The following USO1 variants were observed in gnomAD, a reference collection of about 807,000 sequenced individuals.
USO1 encodes general vesicular transport factor p115.
USO1 carries 57 observed loss-of-function variants against 124.5 expected under a neutral mutation model. That is an observed-to-expected ratio of 0.46 (90% CI 0.37 to 0.57). The LOEUF (loss-of-function observed/expected upper bound fraction) is 0.57, where lower values mean the gene tolerates loss of function less well. Among genes scored for constraint, USO1 ranks in the 20% least tolerant of loss-of-function variants. The pLI is 0.00. For missense variants in USO1, 900 were observed against 1,040.6 expected (o/e 0.86, Z 1.86); for synonymous variants, 369 against 362.8 (o/e 1.02, Z -0.19).
intron 1 of USO1, among the ~76,000 whole-genome samples, chr4:75,726,709 C>T (rs1259219351): frequency 6.6e-6 from 1 of 152,222 alleles, no homozygotes; most frequent in Non-Finnish European, 1.5e-5. Context: ...TTCACTCATC[C>T]ATTCCCACTT....
chr4:75,787,291 A>C, intron 10 of USO1, 89 bp downstream of exon 10: 3 of 1,347,026 alleles, frequency 2.2e-6, no homozygotes, highest in Non-Finnish European at 2.9e-6. Context: ...GAAAAACTAC[A>C]ATAGTTAACC....
intron 1 of USO1, among the ~76,000 whole-genome samples, chr4:75,746,963 A>T (rs1261238970): frequency 6.6e-6 from 1 of 152,230 alleles, no homozygotes; most frequent in Non-Finnish European, 1.5e-5. Flanking sequence ...CAAAGAAGTC[A>T]TAAGCTTGGT....
At chr4:75,767,576 A>G (rs559669631) in intron 4 of USO1, 180 of 277,310 alleles carry the variant, frequency 6.5e-4, no homozygotes, top group African/African-American at 3.9e-3. Flanking sequence ...AACCCCATCT[A>G]TACTAAACGT....
At chr4:75,793,149 T>C (rs1722577750) in intron 12 of USO1, among the ~76,000 whole-genome samples, 1 of 152,026 alleles carries the variant, frequency 6.6e-6, no homozygotes, top group South Asian at 2.1e-4. Flanking sequence ...GAAATACTTC[T>C]GGTCCCAAGC....
intron 13 of USO1, chr4:75,795,384 A>G (rs766052677): frequency 2.1e-5 from 15 of 700,676 alleles, no homozygotes; most frequent in South Asian, 3.0e-5. Flanking sequence ...AAGCTTAGGC[A>G]TTTTCCTCTT....
chr4:75,759,246 C>CTTTTTTTTTTTTTTTTTTTTTT lies in USO1; in HGVS notation c.295+1691_295+1692insTTTTTTTTTTTTTTTTTTTTTT, dbSNP rs71208100. ...TAATAGAATCACTTTTATTAAGGACCTTTTTTTTTTTTTTTTTTCTGAAAA... is the reference window on the plus strand; with the variant it reads ...TAATAGAATCACTTTTATTAAGGACCTTTTTTTTTTTTTTTTTTTTTTTTTTTTTTTTTTTTTTTTCTGAAAA... On this transcript the variant is annotated intron_variant, in intron 4 of 23. Coordinates refer to ENST00000514213, the MANE Select transcript of USO1 (RefSeq NM_003715.4). 8.4e-4 allele frequency among the ~76,000 whole-genome samples: 58 copies of CTTTTTTTTTTTTTTTTTTTTTT among 69,128 alleles called. 20 individuals are homozygous for CTTTTTTTTTTTTTTTTTTTTTT. Among genetic ancestry groups the CTTTTTTTTTTTTTTTTTTTTTT allele is most frequent in the African/African-American group, 2.5e-3 (39 of 15,530 alleles). The allele number at this position is 69,128 out of a possible 152,430, so 45.4% of individuals were successfully genotyped here. A position where few individuals can be genotyped will look rare whatever the true frequency, so the allele number is the denominator to read the frequency against.
intron 6 of USO1, 51 bp from the exon 7 acceptor site, chr4:75,771,031 C>T: frequency 1.9e-6 from 3 of 1,598,082 alleles, no homozygotes; most frequent in South Asian, 2.3e-5. Flanking sequence ...ATTTGAGTCA[C>T]TATTTGTATT....
Position 75,782,681 on chromosome 4 carries a change from TATA to T in USO1, c.679_681del (p.Ile227del). On this transcript the variant is annotated inframe_deletion and splice_region_variant, in exon 9 of 24. Coordinates refer to ENST00000514213, the MANE Select transcript of USO1 (RefSeq NM_003715.4). Reference sequence around the variant, plus strand: ...TTGTGTTTTACATTATTTCCCCAGGTATAGTAGTTGAAGATTGTTTGATTTTGC... The same window carrying T: ...TTGTGTTTTACATTATTTCCCCAGGTGTAGTTGAAGATTGTTTGATTTTGC... 6.4e-7 allele frequency: 1 copy of T among 1,556,756 alleles called. No homozygotes were observed. The highest frequency in any genetic ancestry group is 8.7e-7 in the Non-Finnish European group (1 of 1,151,294).
At chr4:75,799,557 G>A (rs538915590) in intron 13 of USO1, 65 bp from the exon 14 acceptor site, 37 of 1,573,102 alleles carry the variant, frequency 2.4e-5, no homozygotes, top group Non-Finnish European at 3.0e-5. Context: ...AGGGATCTTA[G>A]GGCAACTTTA....
chr4:75,780,170 C>CA (rs1400934460), intron 8 of USO1, among the ~76,000 whole-genome samples: 1 of 152,122 alleles, frequency 6.6e-6, no homozygotes, highest in Non-Finnish European at 1.5e-5. Flanking sequence ...TTTCTAGGCC[C>CA]AGTGCATTAG....
At chr4:75,809,161 G>C in intron 21 of USO1, 110 bp downstream of exon 21, 1 of 118,060 alleles carries the variant, frequency 8.5e-6, no homozygotes, top group African/African-American at 3.8e-5. Flanking sequence ...CTTCTCTTTA[G>C]ATTACTTACT....
At chr4:75,807,095 C>A (rs1268367779) in intron 20 of USO1, among the ~76,000 whole-genome samples, 1 of 151,906 alleles carries the variant, frequency 6.6e-6, no homozygotes, top group African/African-American at 2.4e-5. Context: ...AAACTTTTTT[C>A]TACTTGCTTA....
chr4:75,810,791 C>T (rs192248862), intron 22 of USO1, among the ~76,000 whole-genome samples: 2 of 152,112 alleles, frequency 1.3e-5, no homozygotes, highest in African/African-American at 4.8e-5. Flanking sequence ...AGTACAGTGG[C>T]GCGATCTCGG....
chr4:75,766,099 G>GA (rs1721761939), intron 4 of USO1, among the ~76,000 whole-genome samples: 1 of 152,078 alleles, frequency 6.6e-6, no homozygotes, highest in South Asian at 2.1e-4. Context: ...AAAATACAGT[G>GA]AATTTACTTT....
chr4:75,789,515 T>G lies in USO1; in HGVS notation c.997-635T>G, dbSNP rs530521019. Among the ~76,000 whole-genome samples, 4 of 152,288 alleles carry G rather than the reference T, an allele frequency of 2.6e-5. No homozygotes were observed. In the East Asian group the frequency reaches 7.7e-4, roughly 29 times the overall value. ...GTCTCAAACTCCTGACCCCAAGTGT[T>G]CCACCCACCTGGGCCTCCCAAAGTG... On this transcript the variant is annotated intron_variant, in intron 10 of 23. Transcript: ENST00000514213.
intron 1 of USO1, among the ~76,000 whole-genome samples, chr4:75,747,602 C>CTTTTTTT (rs59636038): frequency 4.8e-4 from 40 of 83,686 alleles, no homozygotes; most frequent in East Asian, 9.5e-4. Context: ...TCACCTTTGA[C>CTTTTTTT]TTTTTTTTTT....
rs556377580 is a variant in USO1, at chr4:75,734,055, C to T, written c.66+9170C>T. ...CTGCCTCCCGGATTCAAGCGATTCT[C>T]CTGCTTCAGCCTCCCAAGTAGCTGG... On this transcript the variant is annotated intron_variant, in intron 1 of 23. Transcript: ENST00000514213. Among the ~76,000 whole-genome samples, 26 of 148,588 alleles carry T rather than the reference C, an allele frequency of 1.7e-4. No homozygotes were observed. The South Asian group carries it at 5.1e-3, about 29-fold the overall frequency.
intron 8 of USO1, among the ~76,000 whole-genome samples, chr4:75,780,187 C>T (rs1016415549): frequency 7.2e-5 from 11 of 152,072 alleles, no homozygotes; most frequent in Admixed American, 3.9e-4. Context: ...TTAGAAAAAA[C>T]GATTTTCAAA....
At chr4:75,769,187 A>T (rs1369509461) in intron 4 of USO1, among the ~76,000 whole-genome samples, 1 of 152,184 alleles carries the variant, frequency 6.6e-6, no homozygotes, top group Non-Finnish European at 1.5e-5. Context: ...ATGCCTCCTG[A>T]CCTGTCTCCC....
Sources: allele counts gnomAD v4.1 joint callset (sites outside exome capture counted in the v4.1 genomes callset), GRCh38; gene constraint gnomAD v4.1.1; transcripts MANE v1.5; gene names NCBI Gene and HGNC (gene_info 2026-07-23, HGNC 2026-07-21).